The following RSRC1 variants were observed in gnomAD, a reference collection of about 807,000 sequenced individuals.
RSRC1 encodes arginine and serine rich coiled-coil 1.
RSRC1 carries 39 observed loss-of-function variants against 49.1 expected under a neutral mutation model. The observed-to-expected ratio is 0.79, with a 90% CI of 0.61 to 1.04. RSRC1 has a LOEUF of 1.04. RSRC1 is among the 50% of genes least tolerant of loss of function. The pLI, the probability that RSRC1 is intolerant of heterozygous loss-of-function variation, is 0.00. For missense variants in RSRC1, 388 were observed against 402.4 expected, an observed-to-expected ratio of 0.96 and a Z score of 0.31; for synonymous variants, 143 against 130.8, an observed-to-expected ratio of 1.09 and a Z score of -0.63.
intron 4 of RSRC1, among the ~76,000 whole-genome samples, chr3:158,216,806 G>A (rs73874336): frequency 0.077 from 11,689 of 151,622 alleles, 548 homozygotes; most frequent in South Asian, 0.13. Context: ...CTTCCAAACC[G>A]TTGTTCGTCT....
chr3:158,459,074 T>C (rs1360525831), intron 6 of RSRC1, among the ~76,000 whole-genome samples: 2 of 152,268 alleles, frequency 1.3e-5, no homozygotes, highest in African/African-American at 4.8e-5. Context: ...TTAATTATTA[T>C]CTATACTATT....
intron 5 of RSRC1, among the ~76,000 whole-genome samples, chr3:158,301,043 TAC>T (rs1225285676): frequency 6.6e-6 from 1 of 152,174 alleles, no homozygotes; most frequent in African/African-American, 2.4e-5. Flanking sequence ...TTAAGTTTTT[TAC>T]AGTCTCTTAG....
At chr3:158,228,446 GA>G (rs36082762) in intron 4 of RSRC1, among the ~76,000 whole-genome samples, 86,431 of 151,566 alleles carry the variant, frequency 0.57, 25,001 homozygotes, top group East Asian at 0.73. Context: ...AAACCATTGA[GA>G]ACTACATAGA....
intron 6 of RSRC1, among the ~76,000 whole-genome samples, chr3:158,408,851 G>A (rs149916775): frequency 0.02 from 3,040 of 152,046 alleles, 81 homozygotes; most frequent in African/African-American, 0.07. Context: ...GGCCAACATG[G>A]TGAGACCCCC....
intron 4 of RSRC1, among the ~76,000 whole-genome samples, chr3:158,284,720 G>C (rs1350266080): frequency 6.6e-6 from 1 of 152,028 alleles, no homozygotes; most frequent in Non-Finnish European, 1.5e-5. Flanking sequence ...CACGTCCTTT[G>C]CCCACTTTTT....
At chr3:158,134,985 T>C (rs544162891) in intron 3 of RSRC1, among the ~76,000 whole-genome samples, 40 of 152,302 alleles carry the variant, frequency 2.6e-4, no homozygotes, top group Middle Eastern at 6.8e-3. Context: ...ACATCAGTGG[T>C]GATTAATTTA....
intron 6 of RSRC1, among the ~76,000 whole-genome samples, chr3:158,356,265 C>A (rs1456234763): frequency 2.0e-5 from 3 of 151,914 alleles, no homozygotes; most frequent in Non-Finnish European, 4.4e-5. Context: ...AATTTCAGAC[C>A]ACCAAATGAT....
rs150027277 is a variant in RSRC1 at position 158,273,280 on chromosome 3, G to T, written c.495-24759G>T. ...ATTCCATTTAGTATTAAATGTTCAA[G>T]GTAGTAAACATACCTGGCCCTAGTC... On this transcript the variant is annotated intron_variant, in intron 4 of 9. Transcript: ENST00000611884. Among the ~76,000 whole-genome samples the T allele has an allele frequency of 2.0e-5, 3 of 152,082 alleles. No homozygotes were observed. The East Asian group carries it at 5.8e-4, about 29-fold the overall frequency.
chr3:158,397,303 G>C (rs1374769929), intron 6 of RSRC1, among the ~76,000 whole-genome samples: 1 of 152,152 alleles, frequency 6.6e-6, no homozygotes, highest in Non-Finnish European at 1.5e-5. Context: ...TGGAATTTGT[G>C]TCTTGGCTTC....
intron 7 of RSRC1, among the ~76,000 whole-genome samples, chr3:158,489,347 A>G (rs1271490692): frequency 6.6e-6 from 1 of 152,236 alleles, no homozygotes; most frequent in African/African-American, 2.4e-5. Context: ...CACCCTTTGT[A>G]TCCCACATGA....
chr3:158,510,080 CCTTGCCATG>C (rs1560069572), intron 7 of RSRC1, among the ~76,000 whole-genome samples: 1 of 152,186 alleles, frequency 6.6e-6, no homozygotes, highest in Admixed American at 6.5e-5. Flanking sequence ...TGCCCCACAT[CCTTGCCATG>C]CTTGATCTTT....
intron 6 of RSRC1, among the ~76,000 whole-genome samples, chr3:158,455,526 G>A (rs539830587): frequency 6.6e-6 from 1 of 152,222 alleles, no homozygotes; most frequent in East Asian, 1.9e-4. Context: ...AATAAAATTG[G>A]TAAAGATGTG....
chr3:158,339,883 G>A (rs551111962), intron 5 of RSRC1, among the ~76,000 whole-genome samples: 1 of 152,182 alleles, frequency 6.6e-6, no homozygotes, highest in Non-Finnish European at 1.5e-5. Flanking sequence ...GACAGAGCAG[G>A]AAATTGTAAT....
At chr3:158,507,434 G>C (rs1739910584) in intron 7 of RSRC1, among the ~76,000 whole-genome samples, 1 of 152,054 alleles carries the variant, frequency 6.6e-6, no homozygotes, top group African/African-American at 2.4e-5. Flanking sequence ...AAATATTGCA[G>C]TTACCCTAAT....
At chr3:158,270,318 G>A (rs973921611) in intron 4 of RSRC1, among the ~76,000 whole-genome samples, 16 of 152,088 alleles carry the variant, frequency 1.1e-4, no homozygotes, top group South Asian at 2.1e-4. Flanking sequence ...TCTACCTCCC[G>A]AGTTAACCAT....
At chr3:158,358,104 A>C (rs1413792453) in intron 6 of RSRC1, among the ~76,000 whole-genome samples, 2 of 152,238 alleles carry the variant, frequency 1.3e-5, no homozygotes. Context: ...ATGAAGGACT[A>C]AAATAAGATT....
chr3:158,201,979 G>C (rs827805), intron 3 of RSRC1, among the ~76,000 whole-genome samples: 99,703 of 151,922 alleles, frequency 0.66, 32,957 homozygotes, highest in East Asian at 0.84. Flanking sequence ...TTTTGTTTAG[G>C]AGGGAAATCA....
At chr3:158,396,205 G>A (rs1733601406) in intron 6 of RSRC1, among the ~76,000 whole-genome samples, 1 of 152,046 alleles carries the variant, frequency 6.6e-6, no homozygotes, top group Non-Finnish European at 1.5e-5. Context: ...GAGGTTGGGA[G>A]GAAGGGAGGA....
At chr3:158,536,083 C>T (rs755598356) in intron 7 of RSRC1, among the ~76,000 whole-genome samples, 8 of 151,328 alleles carry the variant, frequency 5.3e-5, no homozygotes, top group Non-Finnish European at 7.4e-5. Flanking sequence ...GTCAGACTGA[C>T]TCACCTTGTC....
Sources: gnomAD v4.1 joint callset for allele counts (sites outside exome capture counted in the v4.1 genomes callset) on GRCh38, gnomAD v4.1.1 for gene constraint, MANE v1.5 for transcripts, NCBI Gene and HGNC (gene_info 2026-07-23, HGNC 2026-07-21) for gene names.